Variants in ZNF318 observed in about 807,000 individuals in gnomAD.
ZNF318 encodes the protein zinc finger protein 318.
ZNF318 carries 51 observed loss-of-function variants against 124.2 expected under a neutral mutation model. The ratio of observed to expected loss-of-function variants is 0.41; its 90% CI spans 0.33 to 0.52. The LOEUF (loss-of-function observed/expected upper bound fraction) is 0.52. Ranked by LOEUF, ZNF318 falls within the 20% of genes least tolerant of loss-of-function variation. ZNF318 has a pLI of 0.23. For missense variants in ZNF318, 2,815 were observed against 2,811.2 expected (o/e 1.00, Z -0.03); for synonymous variants, 1,090 against 1,040.7 (o/e 1.05, Z -0.91).
chr6:43,337,929 A>G lies in ZNF318; in HGVS notation c.6069T>C (p.Asp2023=), dbSNP rs1779310325. 6.2e-7 allele frequency: 1 copy of G among 1,614,220 alleles called. No homozygotes were observed. Residue 2023 remains aspartate, a synonymous_variant, in exon 10 of 10, where the codon GAT becomes GAC. Coordinates refer to ENST00000361428, the MANE Select transcript of ZNF318 (RefSeq NM_014345.3). ...CTGGGCTTACCCGAGTAGTGCAGAA[A>G]TCAACAGGCATATCCCCCAGATTCC... ...ALGNLGDMPV[D]FCTTRVSPAH... is the part of the protein sequence containing the mutation.
Position 43,355,401 on chromosome 6 carries a change from A to C in ZNF318, c.1933T>G (p.Cys645Gly), listed in dbSNP as rs775037593. Residue 645 changes from cysteine to glycine, a missense_variant, in exon 4 of 10, where the codon TGT (cysteine) becomes GGT (glycine). Physicochemically the swap from Cys to Gly is radical, Grantham distance 159. Coordinates refer to ENST00000361428, the MANE Select transcript of ZNF318 (RefSeq NM_014345.3). ...SVDRYFSADH[C>G]SSVDHRFSAD... ...GAGAAGCGGTGGTCAACTGAGGAAC[A>C]GTGGTCAGCTGAAAAGTATCGGTCA... 4 of 1,614,068 alleles carry C rather than the reference A, an allele frequency of 2.5e-6. No individual in the cohort carries two copies. In the Admixed American group the frequency reaches 5.0e-5, roughly 20 times the overall value.
Position 43,355,754 on chromosome 6 carries a change from C to T in ZNF318, c.1580G>A (p.Ser527Asn). ...STSTQEKRRR[S>N]FPDIEDEEKF... Reference sequence around the variant, plus strand: ...CTCCTCATCTTCAATGTCGGGAAAGCTACGTCGCCTTTTTTCCTGTGTACT... The same window carrying T: ...CTCCTCATCTTCAATGTCGGGAAAGTTACGTCGCCTTTTTTCCTGTGTACT... Residue 527 changes from serine to asparagine, a missense_variant, in exon 4 of 10, where the codon AGC (serine) becomes AAC (asparagine). Physicochemically the swap from Ser to Asn is conservative, Grantham distance 46 (BLOSUM62 1). Coordinates refer to ENST00000361428, the MANE Select transcript of ZNF318 (RefSeq NM_014345.3). 6.2e-7 allele frequency: 1 copy of T among 1,614,220 alleles called. No individual in the cohort carries two copies. Among genetic ancestry groups the T allele is most frequent in the Non-Finnish European group, 8.5e-7 (1 of 1,180,028 alleles).
rs778646616 is a variant in ZNF318 at position 43,337,973 on chromosome 6, CTACCTT to C, written c.6019_6024del (p.Lys2007_Val2008del). On this transcript the variant is annotated inframe_deletion, in exon 10 of 10. Coordinates refer to ENST00000361428, the MANE Select transcript of ZNF318 (RefSeq NM_014345.3). Reference sequence around the variant, plus strand: ...AGATTCCCCAGGGCAGTAAGCTCCTCTACCTTTAAGTCTGTAGCTTCAAAGTCTTCT... The same window carrying C: ...AGATTCCCCAGGGCAGTAAGCTCCTCTAAGTCTGTAGCTTCAAAGTCTTCT... 6.8e-6 allele frequency: 11 copies of C among 1,614,206 alleles called. No homozygotes were observed. In the South Asian group the frequency reaches 1.1e-4, roughly 16 times the overall value.
chr6:43,337,912 A>C lies in ZNF318; in HGVS notation c.6086T>G (p.Val2029Gly). Residue 2029 changes from valine (V) to glycine (G), a missense_variant, in exon 10 of 10, where the codon GTA becomes GGA. Transcript: ENST00000361428. ...DMPVDFCTTR[V>G]SPAHRSPTVL... ...AGTTGGGGATCTATGTGCTGGGCTT[A>C]CCCGAGTAGTGCAGAAATCAACAGG... 1.2e-6 allele frequency: 2 copies of C among 1,614,212 alleles called. No individual in the cohort carries two copies. Among genetic ancestry groups the C allele is most frequent in the Non-Finnish European group, 8.5e-7 (1 of 1,180,038 alleles).
At chr6:43,353,686 T>C (rs1779564618) in intron 4 of ZNF318, among the ~76,000 whole-genome samples, 1 of 152,218 alleles carries the variant, frequency 6.6e-6, no homozygotes, top group Non-Finnish European at 1.5e-5. Context: ...GTCTTAACTT[T>C]TATGAGCAAA....
chr6:43,337,072 G>T lies in ZNF318; in HGVS notation c.*86C>A. The T allele has an allele frequency of 7.7e-7, 1 of 1,291,960 alleles. No individual in the cohort carries two copies. The highest frequency in any genetic ancestry group is 1.0e-6 in the Non-Finnish European group (1 of 960,598). 80.0% of individuals were successfully genotyped at this position (1,291,960 alleles called of 1,614,324 possible). A position where few individuals can be genotyped will look rare whatever the true frequency, so the allele number is the denominator to read the frequency against. On this transcript the variant is annotated 3_prime_UTR_variant, in exon 10 of 10. Transcript: ENST00000361428. Reference sequence around the variant, plus strand: ...GCATCTCTTGGTGTAGGTTCCAGATGAGATAACAAACTAGTCTTGGATCAT... The same window carrying T: ...GCATCTCTTGGTGTAGGTTCCAGATTAGATAACAAACTAGTCTTGGATCAT...
chr6:43,345,996 A>G (rs1383655273), intron 6 of ZNF318, among the ~76,000 whole-genome samples: 3 of 151,920 alleles, frequency 2.0e-5, no homozygotes, highest in African/African-American at 7.3e-5. Context: ...TGAGGTCAGG[A>G]GTTCGAGACC....
intron 2 of ZNF318, among the ~76,000 whole-genome samples, chr6:43,362,974 G>C (rs931858845): frequency 6.6e-6 from 1 of 152,048 alleles, no homozygotes; most frequent in Admixed American, 6.5e-5. Flanking sequence ...AATGTGTAGG[G>C]GGCAACAGTA....
Position 43,340,277 on chromosome 6 carries a change from T to C in ZNF318, c.3721A>G (p.Arg1241Gly). 6.2e-7 allele frequency: 1 copy of C among 1,614,070 alleles called. No homozygotes were observed. Among genetic ancestry groups the C allele is most frequent in the Non-Finnish European group, 8.5e-7 (1 of 1,179,994 alleles). Reference sequence around the variant, plus strand: ...TTTTCAGCTTTTTCAGGGGAGTTCCTACCCTCAGAGAGTTGGTCTTCTAAT... The same window carrying C: ...TTTTCAGCTTTTTCAGGGGAGTTCCCACCCTCAGAGAGTTGGTCTTCTAAT... ...EKLEDQLSEGRNSPEKAENKR... is the reference protein window; with the variant it reads ...EKLEDQLSEGGNSPEKAENKR... The change falls in exon 10 of 10, where the codon AGG (arginine) becomes GGG (glycine). Residue 1241 changes from arginine to glycine, a missense_variant. Physicochemically the swap from Arg to Gly is moderately radical, Grantham distance 125. Around this residue, in one of 4 missense-constraint regions of ZNF318, gnomAD observed 500 missense variants for 605.2 expected, o/e 0.83. Transcript: ENST00000361428.
At chr6:43,340,747 T>A (rs762196482) in intron 9 of ZNF318, 43 bp downstream of exon 9, 1 of 1,569,434 alleles carries the variant, frequency 6.4e-7, no homozygotes, top group Non-Finnish European at 8.7e-7. Flanking sequence ...AAATAATTAC[T>A]TCAGAAAAGT....
At position 43,355,452 on chromosome 6, in the gene ZNF318, A is replaced by G; in HGVS notation, c.1882T>C (p.Ser628Pro). The G allele has an allele frequency of 6.2e-7, 1 of 1,614,206 alleles. No individual in the cohort carries two copies. Among genetic ancestry groups the G allele is most frequent in the Non-Finnish European group, 8.5e-7 (1 of 1,180,038 alleles). The change falls in exon 4 of 10, where the codon TCC becomes CCC. Residue 628 changes from serine (S) to proline (P), a missense_variant. By Grantham distance (74) the Ser-to-Pro change is moderately conservative. Coordinates refer to ENST00000361428, the MANE Select transcript of ZNF318 (RefSeq NM_014345.3). ...ACTGAGGAACGGCGGTCAGCTGAGG[A>G]GCGTAATGATGGCTTCTTGCCATGA... ...RLHGKKPSLR[S>P]SADRRSSVDR...
intron 1 of ZNF318, among the ~76,000 whole-genome samples, chr6:43,366,363 T>C (rs905370241): frequency 5.3e-5 from 8 of 152,210 alleles, no homozygotes; most frequent in Non-Finnish European, 1.2e-4. Flanking sequence ...TTAACAGTTA[T>C]AGGAGGGTTT....
rs1779315159 is a variant in ZNF318, at chr6:43,338,139, G to C, written c.5859C>G (p.Ile1953Met). The change falls in exon 10 of 10, where the codon ATC becomes ATG. Residue 1953 changes from isoleucine (I) to methionine (M), a missense_variant. Physicochemically the swap from Ile to Met is conservative, Grantham distance 10 (BLOSUM62 1). Coordinates refer to ENST00000361428, the MANE Select transcript of ZNF318 (RefSeq NM_014345.3). ...TTTCATCCCAAACAGCCAACTCATA[G>C]ATCTTTTTAACTTGAAAGTCTTTTG... Reference protein sequence around the residue: ...ERSKDFQVKKIYELAVWDENK... With the variant: ...ERSKDFQVKKMYELAVWDENK... 3.1e-6 allele frequency: 5 copies of C among 1,613,808 alleles called. No homozygotes were observed. The highest frequency in any genetic ancestry group is 1.7e-5 in the Admixed American group (1 of 59,950).
At chr6:43,354,104 T>C (rs111628443) in intron 4 of ZNF318, among the ~76,000 whole-genome samples, 12 of 150,332 alleles carry the variant, frequency 8.0e-5, no homozygotes, top group East Asian at 3.9e-4. Context: ...TACACACACA[T>C]ACACACACAC....
intron 4 of ZNF318, among the ~76,000 whole-genome samples, chr6:43,353,991 T>C (rs898998550): frequency 6.6e-6 from 1 of 152,022 alleles, no homozygotes; most frequent in Non-Finnish European, 1.5e-5. Flanking sequence ...ATCCCAGCAC[T>C]CTGGGAGAGG....
intron 5 of ZNF318, 95 bp downstream of exon 5, chr6:43,352,282 T>TGGG: frequency 1.6e-6 from 1 of 643,414 alleles, no homozygotes; most frequent in African/African-American, 8.2e-5. Context: ...AAATTTTTAA[T>TGGG]GAAGTTTCAG....
In ZNF318 at chr6:43,339,354, T is replaced by C. The variant is rs151153042; in HGVS notation, c.4644A>G (p.Glu1548=). The change falls in exon 10 of 10, where the codon GAA becomes GAG. Residue 1548 remains glutamate, a synonymous_variant. Coordinates refer to ENST00000361428, the MANE Select transcript of ZNF318 (RefSeq NM_014345.3). This position sits in a 1 kb window ranked among gnomAD's most constrained non-coding sequence, Gnocchi z 4.2. ...PPPPLSSVFS[E]QAKKLEKRNS... ...TTCGCTTCTCTAATTTTTTGGCTTGTTCACTGAACACACTTGAGAGGGGTG... is the reference window on the plus strand; with the variant it reads ...TTCGCTTCTCTAATTTTTTGGCTTGCTCACTGAACACACTTGAGAGGGGTG... 19,045 of 1,614,144 alleles carry C rather than the reference T, an allele frequency of 0.012. 144 individuals carry two copies. Among genetic ancestry groups the C allele is most frequent in the Non-Finnish European group, 0.014 (16,163 of 1,180,016 alleles).
intron 6 of ZNF318, among the ~76,000 whole-genome samples, chr6:43,347,376 TTGAATG>T (rs1779461704): frequency 6.6e-6 from 1 of 152,188 alleles, no homozygotes; most frequent in African/African-American, 2.4e-5. Flanking sequence ...TGGCTTGGAC[TTGAATG>T]TCAATGGAGA....
chr6:43,355,811 G>A lies in ZNF318; in HGVS notation c.1523C>T (p.Ser508Phe), dbSNP rs763814972. 2 of 1,614,232 alleles carry A rather than the reference G, an allele frequency of 1.2e-6. No homozygotes were observed. Among genetic ancestry groups the A allele is most frequent in the Admixed American group, 1.7e-5 (1 of 60,022 alleles). Residue 508 changes from serine (S) to phenylalanine (F), a missense_variant, in exon 4 of 10, where the codon TCC (serine) becomes TTC (phenylalanine). Transcript: ENST00000361428. ...ERASQDGSGFSRILSMLADST... is the reference protein window; with the variant it reads ...ERASQDGSGFFRILSMLADST... ...ATCAGCCAACATGCTCAGAATGCGG[G>A]AAAAACCACTGCCATCCTGGCTAGC...
Sources: allele counts gnomAD v4.1 joint callset (sites outside exome capture counted in the v4.1 genomes callset), GRCh38; gene constraint gnomAD v4.1.1; regional missense constraint gnomAD v4.1.1; non-coding constraint Gnocchi (gnomAD v3.1); transcripts MANE v1.5; gene names NCBI Gene and HGNC (gene_info 2026-07-23, HGNC 2026-07-21).